Variants in ADGRG3 observed in about 807,000 individuals in gnomAD.
The protein encoded by ADGRG3 is G protein-coupled receptor 97.
Under a neutral mutation model 54.3 loss-of-function variants are expected in ADGRG3, and 39 were observed. That is an observed-to-expected ratio of 0.72 (90% CI 0.56 to 0.94). The LOEUF (loss-of-function observed/expected upper bound fraction) is 0.94. ADGRG3 is among the 40% of genes least tolerant of loss of function. The pLI is 0.00. For missense variants in ADGRG3, 654 were observed against 694.6 expected (o/e 0.94, Z 0.66); for synonymous variants, 312 against 290.0 (o/e 1.08, Z -0.77).
Position 57,685,804 on chromosome 16 carries a change from G to A in ADGRG3, c.1418G>A (p.Arg473Gln), listed in dbSNP as rs374354360. Residue 473 changes from arginine to glutamine, a missense_variant, in exon 11 of 12, where the codon CGG becomes CAG. Coordinates refer to ENST00000333493, the MANE Select transcript of ADGRG3 (RefSeq NM_170776.5). ...GCGGTCAAGGAGCGGGGGAAGAACC[G>A]GAAGAAGGTGCTCACCCTGCTGGGC... ...ATAVKERGKN[R>Q]KKVLTLLGLS... 1.7e-5 allele frequency: 27 copies of A among 1,614,058 alleles called. No individual in the cohort carries two copies. The highest frequency in any genetic ancestry group is 8.0e-5 in the African/African-American group (6 of 74,912).
rs1246084424 is a variant in ADGRG3 at position 57,689,144 on chromosome 16, G to A, written c.*683G>A. 3 of 153,618 alleles carry A rather than the reference G, an allele frequency of 2.0e-5. No individual in the cohort carries two copies. Among genetic ancestry groups the A allele is most frequent in the African/African-American group, 7.2e-5 (3 of 41,462 alleles). The allele number at this position is 153,618 out of a possible 1,614,324, so 9.5% of individuals were successfully genotyped here. ...ACTCTGACTGCCACGTGGGTGGCCC[G>A]ACCTCTGACCTGCTGTCATCGTAGA... On this transcript the variant is annotated 3_prime_UTR_variant, in exon 12 of 12. Coordinates refer to ENST00000333493, the MANE Select transcript of ADGRG3 (RefSeq NM_170776.5).
At chr16:57,666,876 C>T (rs1275388508), upstream of ADGRG3, among the ~76,000 whole-genome samples, 1 of 152,190 alleles carries the variant, frequency 6.6e-6, no homozygotes, top group African/African-American at 2.4e-5. Flanking sequence ...TCTGAGGGCC[C>T]AGGTGCCAGG....
intron 11 of ADGRG3, among the ~76,000 whole-genome samples, chr16:57,686,408 G>C (rs1410518915): frequency 7.1e-6 from 1 of 141,840 alleles, no homozygotes; most frequent in Non-Finnish European, 1.5e-5. Context: ...AGCCATGCAT[G>C]AGGATCCGCT....
chr16:57,682,466 C>G, intron 8 of ADGRG3: 1 of 984,514 alleles, frequency 1.0e-6, no homozygotes, highest in Non-Finnish European at 1.2e-6. Context: ...AATGGTGCCC[C>G]TCACCCCCAC....
intron 11 of ADGRG3, among the ~76,000 whole-genome samples, chr16:57,687,753 C>T (rs1486888310): frequency 6.6e-6 from 1 of 152,204 alleles, no homozygotes; most frequent in East Asian, 1.9e-4. Flanking sequence ...CTATAGCTGA[C>T]ATCGTTATTC....
chr16:57,678,280 C>T lies in ADGRG3; in HGVS notation c.456C>T (p.Val152=). Residue 152 remains valine, a synonymous_variant, in exon 4 of 12, where the codon GTC becomes GTT. Coordinates refer to ENST00000333493, the MANE Select transcript of ADGRG3 (RefSeq NM_170776.5). ...PGNRSVVRLA[V]TILDIGPGTL... is the part of the protein sequence containing the mutation. ...ACAGGTCTGTGGTCCGCTTGGCCGT[C>T]ACCATTCTGGACATTGGTCCAGGGA... 6.2e-7 allele frequency: 1 copy of T among 1,614,232 alleles called. No individual in the cohort carries two copies. Among genetic ancestry groups the T allele is most frequent in the South Asian group, 1.1e-5 (1 of 91,092 alleles).
At chr16:57,668,246 GA>G, upstream of ADGRG3, 1 of 909,360 alleles carries the variant, frequency 1.1e-6, no homozygotes, top group Non-Finnish European at 1.7e-6. Context: ...CAGGAAGCCA[GA>G]GTGGTGGGGC....
chr16:57,673,237 G>A (rs2048193807), intron 1 of ADGRG3, 84 bp from the exon 2 acceptor site: 1 of 1,351,268 alleles, frequency 7.4e-7, no homozygotes, highest in South Asian at 1.3e-5. Flanking sequence ...ACCAGACTCT[G>A]GAGCCCCAGC....
intron 11 of ADGRG3, among the ~76,000 whole-genome samples, chr16:57,686,219 T>C (rs1042134805): frequency 2.0e-5 from 3 of 152,208 alleles, no homozygotes; most frequent in African/African-American, 7.2e-5. Context: ...ACAACACCAG[T>C]ATCTGCTCCT....
At chr16:57,666,307 G>T (rs1597746558), upstream of ADGRG3, among the ~76,000 whole-genome samples, 1 of 152,348 alleles carries the variant, frequency 6.6e-6, no homozygotes, top group East Asian at 1.9e-4. Context: ...GGCTGGCTCA[G>T]GTAGTGGGGA....
intron 10 of ADGRG3, among the ~76,000 whole-genome samples, chr16:57,685,307 G>A (rs2048453146): frequency 6.6e-6 from 1 of 152,232 alleles, no homozygotes; most frequent in Non-Finnish European, 1.5e-5. Context: ...TCCTTCAGGA[G>A]GGCATCCACA....
upstream of ADGRG3, among the ~76,000 whole-genome samples, chr16:57,667,616 C>T (rs1357057487): frequency 6.6e-6 from 1 of 152,244 alleles, no homozygotes; most frequent in Non-Finnish European, 1.5e-5. Flanking sequence ...CAAGGTCACC[C>T]GGCCAGGAAG....
upstream of ADGRG3, among the ~76,000 whole-genome samples, chr16:57,666,977 A>C (rs550543165): frequency 6.6e-6 from 1 of 152,298 alleles, no homozygotes; most frequent in Non-Finnish European, 1.5e-5. Context: ...CAGATCTTCC[A>C]GGAGAAGGCT....
At chr16:57,679,130 G>A in intron 4 of ADGRG3, 47 bp from the exon 5 acceptor site, 1 of 1,609,472 alleles carries the variant, frequency 6.2e-7, no homozygotes, top group Middle Eastern at 1.7e-4. Context: ...TGGTGGGTTG[G>A]GATGGCCCCT....
intron 1 of ADGRG3, among the ~76,000 whole-genome samples, chr16:57,671,911 C>T (rs1355405657): frequency 1.3e-5 from 2 of 152,190 alleles, no homozygotes; most frequent in African/African-American, 4.8e-5. Context: ...TAAATCGCAG[C>T]ACTTTGGAAG....
At chr16:57,685,517 C>T in intron 10 of ADGRG3, 126 bp from the exon 11 acceptor site, 1 of 895,400 alleles carries the variant, frequency 1.1e-6, no homozygotes, top group Non-Finnish European at 1.8e-6. Context: ...AGCGGGAGAG[C>T]CAGGGATTGA....
chr16:57,668,391 T>C lies in ADGRG3; in HGVS notation c.44T>C (p.Leu15Pro). The C allele has an allele frequency of 1.3e-6, 2 of 1,574,584 alleles. No homozygotes were observed. The highest frequency in any genetic ancestry group is 1.7e-6 in the Non-Finnish European group (2 of 1,167,848). Residue 15 changes from leucine to proline, a missense_variant, in exon 1 of 12, where the codon CTG (leucine) becomes CCG (proline). Physicochemically the swap from Leu to Pro is moderately conservative, Grantham distance 98 (BLOSUM62 -3). Coordinates refer to ENST00000333493, the MANE Select transcript of ADGRG3 (RefSeq NM_170776.5). Reference protein sequence around the residue: ...RGLGALLLLLLLPTSGQEKPT... With the variant: ...RGLGALLLLLPLPTSGQEKPT... ...CTGGGGGCCCTGCTCCTGCTCCTCC[T>C]GCTCCCGACCTCAGGTGAGTGGCTG...
upstream of ADGRG3, among the ~76,000 whole-genome samples, chr16:57,667,620 C>T (rs1245355625): frequency 6.6e-6 from 1 of 152,252 alleles, no homozygotes; most frequent in Non-Finnish European, 1.5e-5. Flanking sequence ...GTCACCCGGC[C>T]AGGAAGTGGC....
upstream of ADGRG3, among the ~76,000 whole-genome samples, chr16:57,668,001 C>T (rs1320555511): frequency 1.3e-5 from 2 of 152,242 alleles, no homozygotes; most frequent in East Asian, 3.8e-4. Context: ...AGCCTGTGCT[C>T]ACCACAGTTC....
Sources: allele counts gnomAD v4.1 joint callset (sites outside exome capture counted in the v4.1 genomes callset), GRCh38; gene constraint gnomAD v4.1.1; transcripts MANE v1.5; gene names NCBI Gene and HGNC (gene_info 2026-07-23, HGNC 2026-07-21).